MASP2: variants seen among roughly 807,000 people sequenced by gnomAD.
MASP2 encodes the protein mannan-binding lectin serine protease 2.
In MASP2, 49 loss-of-function variants were observed where a neutral mutation model predicts 57.1. The ratio of observed to expected loss-of-function variants is 0.86; its 90% CI spans 0.68 to 1.09. The LOEUF (loss-of-function observed/expected upper bound fraction) is 1.09, where lower values mean the gene tolerates loss of function less well. Among genes scored for constraint, MASP2 ranks in the 50% least tolerant of loss-of-function variants. MASP2 has a pLI of 0.00. For missense variants in MASP2, 900 were observed against 874.8 expected, an observed-to-expected ratio of 1.03 and a Z score of -0.36; for synonymous variants, 379 against 340.8, an observed-to-expected ratio of 1.11 and a Z score of -1.24.
At position 11,034,905 on chromosome 1, in the gene MASP2, C is replaced by A. The variant is rs1471674365; in HGVS notation, c.1010G>T (p.Gly337Val). ...AGTAAAGGATTTCAGGGGCAAGTGA[C>A]CCTAAAGAAGAATTCAGAATATATT... The part of the protein sequence containing the change: ...FCETGYELLQ[G>V]HLPLKSFTAV... Residue 337 changes from glycine to valine, a missense_variant and splice_region_variant, in exon 8 of 11, where the codon GGT (glycine) becomes GTT (valine). Gly to Val is a moderately radical substitution (Grantham distance 109, BLOSUM62 -3). Transcript: ENST00000400897. 1 of 1,607,356 alleles carries A rather than the reference C, an allele frequency of 6.2e-7. No individual in the cohort carries two copies. Among genetic ancestry groups the A allele is most frequent in the East Asian group, 2.2e-5 (1 of 44,778 alleles).
At chr1:11,043,679 G>T in intron 4 of MASP2, 144 bp from the exon 5 acceptor site, 1 of 630,832 alleles carries the variant, frequency 1.6e-6, no homozygotes, top group Non-Finnish European at 2.7e-6. Context: ...GCTGGGCCCT[G>T]CAGGTGGCCA....
At chr1:11,033,411 G>A (rs1214211671) in intron 8 of MASP2, among the ~76,000 whole-genome samples, 7 of 152,026 alleles carry the variant, frequency 4.6e-5, no homozygotes, top group Non-Finnish European at 7.4e-5. Flanking sequence ...TTGGGAGGCC[G>A]AGGCAGGTGG....
At chr1:11,037,850 T>G in intron 6 of MASP2, 39 bp from the exon 7 acceptor site, 1 of 1,251,216 alleles carries the variant, frequency 8.0e-7, no homozygotes, top group Non-Finnish European at 1.1e-6. Context: ...TTTCATGTGG[T>G]CTACAGCAGC....
At chr1:11,035,312 T>G (rs1037342142) in intron 7 of MASP2, among the ~76,000 whole-genome samples, 4 of 151,922 alleles carry the variant, frequency 2.6e-5, no homozygotes, top group African/African-American at 2.4e-5. Flanking sequence ...TCACTTGAGG[T>G]GAGGAGTTCA....
In MASP2 at chr1:11,044,686, T is replaced by G. The variant is rs9430178; in HGVS notation, c.544+722A>C. 6,419 of 1,000,666 alleles carry G rather than the reference T, an allele frequency of 6.4e-3. 210 individuals carry two copies. The African/African-American group carries it at 0.079, about 12-fold the overall frequency. 62.0% of individuals were successfully genotyped at this position (1,000,666 alleles called of 1,614,324 possible). ...TGAGGCCAAGGAGCCTGTGGCCCCA[T>G]GGAGGAGGCTCCCACAGACCTGGGG... On this transcript the variant is annotated intron_variant, in intron 4 of 10. Transcript: ENST00000400897.
At chr1:11,035,528 AATCATCATC>A (rs113627607) in intron 7 of MASP2, among the ~76,000 whole-genome samples, 2 of 147,648 alleles carry the variant, frequency 1.4e-5, no homozygotes, top group East Asian at 2.0e-4. Flanking sequence ...CCCTGTCTCA[AATCATCATC>A]ATCATCATCA....
chr1:11,042,759 TG>T, intron 6 of MASP2, 115 bp downstream of exon 6: 1 of 1,216,512 alleles, frequency 8.2e-7, no homozygotes, highest in Non-Finnish European at 1.2e-6. Flanking sequence ...CCACTAAACC[TG>T]GTGTCCCTTC....
chr1:11,035,294 CG>C (rs1351983477), intron 7 of MASP2, among the ~76,000 whole-genome samples: 1 of 152,020 alleles, frequency 6.6e-6, no homozygotes, highest in African/African-American at 2.4e-5. Context: ...GAGACCAAGG[CG>C]GGTGGATCAC....
Position 11,031,404 on chromosome 1 carries a change from C to A in MASP2, c.1088-522G>T, listed in dbSNP as rs1208209938. 2.6e-5 allele frequency among the ~76,000 whole-genome samples: 4 copies of A among 151,384 alleles called. No homozygotes were observed. In the East Asian group the frequency reaches 7.8e-4, roughly 29 times the overall value. The stretch of plus-strand genomic sequence containing the variant: ...ATTAGCCAGGCGTGGTAGCGGGCGC[C>A]TGTAGTCCCAGCTACTCGGGAGGCT... On this transcript the variant is annotated intron_variant, in intron 8 of 10. Coordinates refer to ENST00000400897, the MANE Select transcript of MASP2 (RefSeq NM_006610.4).
Position 11,030,798 on chromosome 1 carries a change from AC to A in MASP2, c.1171del (p.Val391Ter). Reference protein sequence around the residue: ...TGPGVTTYKAVIQYSCEETFY... With the variant: ...TGPGVTTYKAXIQYSCEETFY... ...GGTCTCTTCACAGCTGTACTGAATC[AC>A]AGCTTTGTAGGTGGTCACTCCAGGA... On this transcript the variant is annotated frameshift_variant, in exon 9 of 11. Coordinates refer to ENST00000400897, the MANE Select transcript of MASP2 (RefSeq NM_006610.4). LOFTEE classifies it high-confidence loss of function. The A allele has an allele frequency of 1.2e-6, 2 of 1,614,036 alleles. No individual in the cohort carries two copies. The highest frequency in any genetic ancestry group is 1.7e-6 in the Non-Finnish European group (2 of 1,179,996).
At chr1:11,045,809 A>G in intron 3 of MASP2, 1 of 526,596 alleles carries the variant, frequency 1.9e-6, no homozygotes, top group Non-Finnish European at 3.4e-6. Flanking sequence ...TAATGAGGGG[A>G]GTCAATCAAA....
chr1:11,027,130 G>A lies in MASP2; in HGVS notation c.1816C>T (p.Pro606Ser). Residue 606 changes from proline (P) to serine (S), a missense_variant, in exon 11 of 11, where the codon CCC (proline) becomes TCC (serine). Physicochemically the swap from Pro to Ser is moderately conservative, Grantham distance 74. Transcript: ENST00000400897. ...QKCTAAYEKPPYPRGSVTANM... is the reference protein window; with the variant it reads ...QKCTAAYEKPSYPRGSVTANM... ...GCAGTTACACTTCCCCTTGGATAGG[G>A]TGGCTTTTCATATGCAGCAGTACAT... is the stretch of plus-strand genomic sequence containing the variant. The A allele has an allele frequency of 4.3e-6, 7 of 1,612,864 alleles. No homozygotes were observed. The highest frequency in any genetic ancestry group is 5.9e-6 in the Non-Finnish European group (7 of 1,179,404).
chr1:11,037,706 T>A lies in MASP2; in HGVS notation c.995A>T (p.Tyr332Phe). The A allele has an allele frequency of 3.7e-6, 6 of 1,609,762 alleles. No homozygotes were observed. Among genetic ancestry groups the A allele is most frequent in the African/African-American group, 1.3e-5 (1 of 74,810 alleles). Residue 332 changes from tyrosine (Y) to phenylalanine (F), a missense_variant, in exon 7 of 11, where the codon TAT becomes TTT. Coordinates refer to ENST00000400897, the MANE Select transcript of MASP2 (RefSeq NM_006610.4). The part of the protein sequence containing the change: ...DSFSIFCETG[Y>F]ELLQGHLPLK... ...GTTTTAACTCACTTGCAGAAGCTCATAGCCAGTCTCGCAAAAGATGGAGAA... is the reference window on the plus strand; with the variant it reads ...GTTTTAACTCACTTGCAGAAGCTCAAAGCCAGTCTCGCAAAAGATGGAGAA...
intron 3 of MASP2, 34 bp from the exon 4 acceptor site, chr1:11,045,573 G>A (rs780169640): frequency 1.9e-6 from 3 of 1,581,186 alleles, no homozygotes; most frequent in Non-Finnish European, 2.6e-6. Flanking sequence ...AGGCCGTCAG[G>A]AGGGAAAGAG....
intron 7 of MASP2, among the ~76,000 whole-genome samples, chr1:11,036,995 C>T (rs1350177978): frequency 6.6e-6 from 1 of 152,088 alleles, no homozygotes; most frequent in Non-Finnish European, 1.5e-5. Flanking sequence ...GTCATTCCAG[C>T]CACTTCACAA....
Position 11,037,826 on chromosome 1 carries a change from C to T in MASP2, c.890-15G>A. On this transcript the variant is annotated splice_polypyrimidine_tract_variant and intron_variant, in intron 6 of 10. Coordinates refer to ENST00000400897, the MANE Select transcript of MASP2 (RefSeq NM_006610.4). ...GCAAGGCTGCGCTGCGCAGAGGAAA[C>T]CAGGCTTGTTGGTTTTCATGTGGTC... 2 of 1,544,436 alleles carry T rather than the reference C, an allele frequency of 1.3e-6. No homozygotes were observed. The highest frequency in any genetic ancestry group is 1.8e-6 in the Non-Finnish European group (2 of 1,128,720).
rs1313606092 is a variant in MASP2 at position 11,046,708 on chromosome 1, G to A, written c.260C>T (p.Ala87Val). ...VKLSSGAKVL[A>V]TLCGQESTDT... ...TGTGCTCTCCTGCCCGCACAGCGTG[G>A]CCAGCACCTTGGCCCCCGAGCTCAG... The change falls in exon 3 of 11, where the codon GCC becomes GTC. Residue 87 changes from alanine (A) to valine (V), a missense_variant. Coordinates refer to ENST00000400897, the MANE Select transcript of MASP2 (RefSeq NM_006610.4). The A allele has an allele frequency of 1.2e-6, 2 of 1,613,192 alleles. No homozygotes were observed. The highest frequency in any genetic ancestry group is 1.1e-5 in the South Asian group (1 of 91,062).
chr1:11,045,154 CA>C (rs1638588718), intron 4 of MASP2: 3 of 752,786 alleles, frequency 4.0e-6, no homozygotes, highest in Non-Finnish European at 7.0e-6. Context: ...GAGGGGTTCC[CA>C]GAGCCCAGGT....
chr1:11,030,339 C>G (rs982714793), intron 9 of MASP2, 89 bp from the exon 10 acceptor site: 2 of 905,510 alleles, frequency 2.2e-6, no homozygotes, highest in East Asian at 4.9e-5. Flanking sequence ...AATGTTGATT[C>G]TTGAGCATCA....
Sources: gnomAD v4.1 joint callset for allele counts (sites outside exome capture counted in the v4.1 genomes callset) on GRCh38, gnomAD v4.1.1 for gene constraint, MANE v1.5 for transcripts, NCBI Gene and HGNC (gene_info 2026-07-23, HGNC 2026-07-21) for gene names.